SLC3A2: variants seen among roughly 807,000 people sequenced by gnomAD.
SLC3A2 encodes the protein amino acid transporter heavy chain SLC3A2.
In SLC3A2, 32 loss-of-function variants were observed where a neutral mutation model predicts 48.5. That is an observed-to-expected ratio of 0.66 (90% CI 0.50 to 0.89). SLC3A2 has a LOEUF of 0.89. Among genes scored for constraint, SLC3A2 ranks in the 40% least tolerant of loss-of-function variants. The probability of loss-of-function intolerance (pLI) is 0.00; values close to 1 mark genes in which losing one functional copy is unlikely to be tolerated. For synonymous variants in SLC3A2, 277 were observed against 288.8 expected (o/e 0.96, Z 0.41); for missense variants, 587 against 680.7 (o/e 0.86, Z 1.53).
chr11:62,862,856 A>C (rs545724332), intron 1 of SLC3A2, among the ~76,000 whole-genome samples: 1 of 152,334 alleles, frequency 6.6e-6, no homozygotes, highest in African/African-American at 2.4e-5. Flanking sequence ...CTCAATTAAT[A>C]GAGGAGAAGG....
At position 62,873,969 on chromosome 11, in the gene SLC3A2, A is replaced by AT. The variant is rs573491653; in HGVS notation, c.113-7013dup. Among the ~76,000 whole-genome samples the AT allele has an allele frequency of 1.1e-3, 43 of 38,896 alleles. 2 individuals are homozygous for AT. The highest frequency in any genetic ancestry group is 2.9e-3 in the Admixed American group (6 of 2,060). 25.5% of individuals were successfully genotyped at this position (38,896 alleles called of 152,430 possible). A position where few individuals can be genotyped will look rare whatever the true frequency, so the allele number is the denominator to read the frequency against. ...CAGGTACTTGCACCATGCCCAGCTA[A>AT]TTTTTTTTTTTTTTTTTTTTTTTTT... On this transcript the variant is annotated intron_variant, in intron 1 of 9. Coordinates refer to the SLC3A2 transcript ENST00000377889.
Position 62,884,757 on chromosome 11 carries a change from TAAG to T in SLC3A2, c.818+71_818+73del, listed in dbSNP as rs367818643. ...GAACCCCTCAGTGGAGTGCTAGGCCTAAGAAGGGGGGATTCCTAGTCTAGAGCA... is the reference window on the plus strand; with the variant it reads ...GAACCCCTCAGTGGAGTGCTAGGCCTAAGGGGGGATTCCTAGTCTAGAGCA... On this transcript the variant is annotated intron_variant, in intron 5 of 8. Coordinates refer to ENST00000338663, the MANE Select transcript of SLC3A2 (RefSeq NM_001013251.3). The T allele has an allele frequency of 2.5e-4, 318 of 1,286,504 alleles. No homozygotes were observed. The African/African-American group carries it at 4.6e-3, about 19-fold the overall frequency. The allele number at this position is 1,286,504 out of a possible 1,614,324, so 79.7% of individuals were successfully genotyped here.
intron 1 of SLC3A2, among the ~76,000 whole-genome samples, chr11:62,857,288 C>A (rs2085342798): frequency 2.0e-5 from 3 of 152,104 alleles, no homozygotes; most frequent in Non-Finnish European, 4.4e-5. Context: ...TCATGCCACA[C>A]TAATTTTTGT....
chr11:62,885,694 G>T, intron 7 of SLC3A2, 86 bp downstream of exon 7: 2 of 1,468,562 alleles, frequency 1.4e-6, no homozygotes, highest in Non-Finnish European at 1.9e-6. Context: ...ATAGACGTGA[G>T]CCTTGGGGTG....
chr11:62,872,881 C>T (rs1590626132), intron 1 of SLC3A2, among the ~76,000 whole-genome samples: 1 of 152,184 alleles, frequency 6.6e-6, no homozygotes, highest in Admixed American at 6.5e-5. Flanking sequence ...GGATTACAGG[C>T]GTGAGCCACT....
chr11:62,859,398 T>G (rs903374563), intron 1 of SLC3A2, among the ~76,000 whole-genome samples: 2 of 152,148 alleles, frequency 1.3e-5, no homozygotes, highest in Non-Finnish European at 2.9e-5. Context: ...TCTTAGTACA[T>G]AACAAAATGG....
intron 1 of SLC3A2, among the ~76,000 whole-genome samples, chr11:62,858,217 G>A (rs1294404015): frequency 6.6e-6 from 1 of 152,106 alleles, no homozygotes; most frequent in Non-Finnish European, 1.5e-5. Context: ...TAGGTTAGGG[G>A]TCTCCAACTC....
intron 7 of SLC3A2, chr11:62,887,913 C>T (rs1291721288): frequency 6.9e-6 from 3 of 437,580 alleles, no homozygotes; most frequent in Non-Finnish European, 8.4e-6. Flanking sequence ...CCTCCTCAGC[C>T]TCCCCAGTAT....
In SLC3A2 at chr11:62,861,581, G is replaced by A. The variant is rs143064031; in HGVS notation, c.112+5200G>A. Among the ~76,000 whole-genome samples the A allele has an allele frequency of 3.8e-3, 585 of 152,184 alleles. 2 individuals carry two copies. The highest frequency in any genetic ancestry group is 0.013 in the African/African-American group (544 of 41,556). The stretch of plus-strand genomic sequence containing the variant: ...CCTGGCTCTGGCTTCTTCCCTTCTA[G>A]TTCATTCTCCACACTGTAGTCAGAG... On this transcript the variant is annotated intron_variant, in intron 1 of 9. Coordinates refer to the SLC3A2 transcript ENST00000377889.
chr11:62,879,750 T>C (rs1262146536), upstream of SLC3A2, among the ~76,000 whole-genome samples: 2 of 152,244 alleles, frequency 1.3e-5, no homozygotes, highest in African/African-American at 4.8e-5. Flanking sequence ...TCTCTGAAAG[T>C]AGCCCAACTG....
intron 2 of SLC3A2, 131 bp from the exon 3 acceptor site, chr11:62,882,777 G>C (rs1299001553): frequency 8.0e-6 from 6 of 747,092 alleles, no homozygotes; most frequent in Non-Finnish European, 1.4e-5. Flanking sequence ...AATGAATTTT[G>C]CCCGGGTTCA....
In SLC3A2 at chr11:62,881,289, G is replaced by C; in HGVS notation, c.266G>C (p.Trp89Ser). 1.3e-6 allele frequency: 2 copies of C among 1,575,008 alleles called. No homozygotes were observed. The highest frequency in any genetic ancestry group is 1.7e-6 in the Non-Finnish European group (2 of 1,163,596). Residue 89 changes from tryptophan to serine, a missense_variant, in exon 1 of 9, where the codon TGG becomes TCG. Physicochemically the swap from Trp to Ser is radical, Grantham distance 177 (BLOSUM62 -3). Around this residue, in one of 3 missense-constraint regions of SLC3A2, gnomAD observed 409 missense variants for 446.7 expected, o/e 0.92. Coordinates refer to ENST00000338663, the MANE Select transcript of SLC3A2 (RefSeq NM_001013251.3). The surrounding 1 kb of genome is among the most constrained non-coding windows in gnomAD (Gnocchi z 4.0). ...RTRWALLLLF[W>S]LGWLGMLAGA... ...CGCTGGGCACTGCTGCTGCTCTTCTGGCTCGGCTGGCTCGGCATGCTTGCT... is the reference window on the plus strand; with the variant it reads ...CGCTGGGCACTGCTGCTGCTCTTCTCGCTCGGCTGGCTCGGCATGCTTGCT...
Position 62,888,524 on chromosome 11 carries a change from C to T in SLC3A2, c.1421C>T (p.Ser474Leu), listed in dbSNP as rs138529750. 19 of 1,614,066 alleles carry T rather than the reference C, an allele frequency of 1.2e-5. No individual in the cohort carries two copies. Among genetic ancestry groups the T allele is most frequent in the African/African-American group, 6.7e-5 (5 of 74,916 alleles). Residue 474 changes from serine (S) to leucine (L), a missense_variant, in exon 9 of 9, where the codon TCG becomes TTG. Around this residue, in one of 3 missense-constraint regions of SLC3A2, gnomAD observed 169 missense variants for 204.4 expected, o/e 0.83. Transcript: ENST00000338663. ...VVLNFGDVGL[S>L]AGLQASDLPA... ...CTTAACTTTGGGGATGTGGGCCTCT[C>T]GGCTGGACTGCAGGCCTCCGACCTG...
chr11:62,883,190 A>G (rs2085665254), intron 3 of SLC3A2, among the ~76,000 whole-genome samples, 191 bp downstream of exon 3: 1 of 151,094 alleles, frequency 6.6e-6, no homozygotes, highest in Non-Finnish European at 1.5e-5. Context: ...TCCTTTTCTG[A>G]CCTCTTATTT....
chr11:62,882,886 G>A (rs190449089), intron 2 of SLC3A2, 22 bp from the exon 3 acceptor site: 343 of 1,581,982 alleles, frequency 2.2e-4, no homozygotes, highest in Non-Finnish European at 2.8e-4. Flanking sequence ...TCTCATGATT[G>A]CGTCTTCCTC....
In SLC3A2 at chr11:62,881,111, G is replaced by T; in HGVS notation, c.88G>T (p.Ala30Ser). Residue 30 changes from alanine to serine, a missense_variant, in exon 1 of 9, where the codon GCG (alanine) becomes TCG (serine). Around this residue, in one of 3 missense-constraint regions of SLC3A2, gnomAD observed 409 missense variants for 446.7 expected, o/e 0.92. Coordinates refer to ENST00000338663, the MANE Select transcript of SLC3A2 (RefSeq NM_001013251.3). This position sits in a 1 kb window ranked among gnomAD's most constrained non-coding sequence, Gnocchi z 4.0. ...EKQPMNAASG[A>S]AMSLAGAEKN... is the part of the protein sequence containing the mutation. Reference sequence around the variant, plus strand: ...GCAGCCGATGAACGCGGCGTCTGGGGCGGCCATGTCCCTGGCGGGAGCCGA... The same window carrying T: ...GCAGCCGATGAACGCGGCGTCTGGGTCGGCCATGTCCCTGGCGGGAGCCGA... The T allele has an allele frequency of 6.2e-7, 1 of 1,608,678 alleles. No individual in the cohort carries two copies. Among genetic ancestry groups the T allele is most frequent in the African/African-American group, 1.3e-5 (1 of 75,056 alleles).
rs112479110 is a variant in SLC3A2 at position 62,884,454 on chromosome 11, T to C, written c.691-3T>C. ...CTGTCCTTTATTCTTCTGCCCCCTA[T>C]AGGATGCTCTGGAGTTTTGGCTGCA... On this transcript the variant is annotated splice_polypyrimidine_tract_variant and splice_region_variant and intron_variant, in intron 3 of 8. Coordinates refer to ENST00000338663, the MANE Select transcript of SLC3A2 (RefSeq NM_001013251.3). 8.7e-6 allele frequency: 14 copies of C among 1,614,132 alleles called. No individual in the cohort carries two copies. The South Asian group carries it at 1.5e-4, about 18-fold the overall frequency.
At position 62,882,781 on chromosome 11, in the gene SLC3A2, G is replaced by T. The variant is rs200845246; in HGVS notation, c.599-127G>T. The T allele has an allele frequency of 2.7e-4, 156 of 586,426 alleles. No individual in the cohort carries two copies. The Admixed American group carries it at 4.4e-3, about 16-fold the overall frequency. 36.3% of individuals were successfully genotyped at this position (586,426 alleles called of 1,614,324 possible). A position where few individuals can be genotyped will look rare whatever the true frequency, so the allele number is the denominator to read the frequency against. ...TGTTTCAATGGAATGAATTTTGCCC[G>T]GGTTCAAATTCAAGCTTTTGTACCA... On this transcript the variant is annotated intron_variant, in intron 2 of 8. Transcript: ENST00000338663.
intron 7 of SLC3A2, among the ~76,000 whole-genome samples, chr11:62,887,279 G>A (rs1353349387): frequency 6.6e-6 from 1 of 152,088 alleles, no homozygotes; most frequent in Non-Finnish European, 1.5e-5. Flanking sequence ...TAGGAGACCT[G>A]GTAAGATAAC....
Sources: allele counts gnomAD v4.1 joint callset (sites outside exome capture counted in the v4.1 genomes callset), GRCh38; gene constraint gnomAD v4.1.1; regional missense constraint gnomAD v4.1.1; non-coding constraint Gnocchi (gnomAD v3.1); transcripts MANE v1.5; gene names NCBI Gene and HGNC (gene_info 2026-07-23, HGNC 2026-07-21).